The following SHANK2 variants were observed in gnomAD, a reference collection of about 807,000 sequenced individuals.
The protein encoded by SHANK2 is SH3 and multiple ankyrin repeat domains protein 2.
SHANK2 carries 43 observed loss-of-function variants against 133.7 expected under a neutral mutation model. The ratio of observed to expected loss-of-function variants is 0.32; its 90% CI spans 0.25 to 0.41. SHANK2 has a LOEUF of 0.41. SHANK2 is among the 10% of genes least tolerant of loss of function. The pLI is 1.00. For missense variants in SHANK2, 1,994 were observed against 2,235.8 expected (o/e 0.89, Z 2.18); for synonymous variants, 1,017 against 952.8 (o/e 1.07, Z -1.24).
chr11:71,085,592 TAATA>T lies in SHANK2; in HGVS notation c.912+6826_912+6829del, dbSNP rs1405740119. On this transcript the variant is annotated intron_variant, in intron 8 of 25. Coordinates refer to ENST00000601538, the MANE Select transcript of SHANK2 (RefSeq NM_012309.5). ...AATATATATTATATAATATATTATA[TAATA>T]TATATATTAAATATATATTATATTA... 3.3e-3 allele frequency among the ~76,000 whole-genome samples: 92 copies of T among 27,478 alleles called. 1 individual carries two copies. The highest frequency in any genetic ancestry group is 0.059 in the Middle Eastern group (2 of 34). 18.0% of individuals were successfully genotyped at this position (27,478 alleles called of 152,430 possible).
At chr11:70,621,562 T>TGGAA (rs1565187536) in intron 17 of SHANK2, among the ~76,000 whole-genome samples, 2 of 151,994 alleles carry the variant, frequency 1.3e-5, no homozygotes, top group Non-Finnish European at 2.9e-5. Context: ...GTGGACTGGG[T>TGGAA]GGAAGGAAGG....
chr11:71,165,442 C>G (rs537158338), intron 2 of SHANK2, among the ~76,000 whole-genome samples: 2 of 152,312 alleles, frequency 1.3e-5, no homozygotes, highest in Admixed American at 1.3e-4. Context: ...GGAGCTGCCC[C>G]CAGGTGTGTG....
chr11:71,172,588 A>G (rs1277189533), intron 2 of SHANK2, among the ~76,000 whole-genome samples: 1 of 123,760 alleles, frequency 8.1e-6, no homozygotes, highest in Admixed American at 1.0e-4. Flanking sequence ...ACAGAGTGAG[A>G]CTCTGTCTCA....
rs188955430 is a variant in SHANK2 at position 71,203,690 on chromosome 11, C to A, written c.-13+21007G>T. 2.0e-5 allele frequency among the ~76,000 whole-genome samples: 3 copies of A among 152,328 alleles called. No homozygotes were observed. The East Asian group carries it at 5.8e-4, about 29-fold the overall frequency. On this transcript the variant is annotated intron_variant, in intron 2 of 25. Coordinates refer to ENST00000601538, the MANE Select transcript of SHANK2 (RefSeq NM_012309.5). ...GGGAATATCCTGTGTGGTAAGAGTG[C>A]CTGAGTTCACCTGGGGCCTTGAGTG...
At chr11:70,517,283 C>T (rs1554970309) in intron 17 of SHANK2, among the ~76,000 whole-genome samples, 1 of 152,216 alleles carries the variant, frequency 6.6e-6, no homozygotes, top group African/African-American at 2.4e-5. Flanking sequence ...CAAAATAACA[C>T]AGGCACTTTG....
chr11:70,910,271 A>G (rs775102358), intron 10 of SHANK2, among the ~76,000 whole-genome samples: 3 of 152,234 alleles, frequency 2.0e-5, no homozygotes, highest in Non-Finnish European at 4.4e-5. Flanking sequence ...AAGAGTACGC[A>G]GAATCTCTTT....
chr11:70,524,136 G>A (rs1178765935), intron 17 of SHANK2, among the ~76,000 whole-genome samples: 4 of 152,188 alleles, frequency 2.6e-5, no homozygotes, highest in Admixed American at 1.3e-4. Context: ...AGGTGGCGAC[G>A]GGATCCCATT....
At chr11:70,823,953 GAGGTGGTATTGAC>G (rs1461000817) in intron 11 of SHANK2, among the ~76,000 whole-genome samples, 15 of 151,054 alleles carry the variant, frequency 9.9e-5, no homozygotes, top group Non-Finnish European at 1.9e-4. Flanking sequence ...CACAGGTACA[GAGGTGGTATTGAC>G]AGCTCCCAAG....
chr11:70,534,929 G>A (rs936175836), intron 17 of SHANK2, among the ~76,000 whole-genome samples: 2 of 152,048 alleles, frequency 1.3e-5, no homozygotes, highest in Non-Finnish European at 2.9e-5. Context: ...AGTCAAGTTC[G>A]TTAGCTATGC....
At chr11:71,067,486 T>C (rs1271039672) in intron 9 of SHANK2, among the ~76,000 whole-genome samples, 4 of 152,104 alleles carry the variant, frequency 2.6e-5, no homozygotes, top group Non-Finnish European at 5.9e-5. Context: ...TAGACACAAT[T>C]TGATACTTAC....
chr11:70,487,818 TTCAGATGATG>T lies in SHANK2; in HGVS notation c.2573-108_2573-99del. The stretch of plus-strand genomic sequence containing the variant: ...CGCTACATCTCCACAAACTCACAAA[TTCAGATGATG>T]AACCGGATGTTCAGGAAACACAGCA... On this transcript the variant is annotated intron_variant, in intron 24 of 25. Transcript: ENST00000601538. The surrounding 1 kb of genome is among the most constrained non-coding windows in gnomAD (Gnocchi z 5.8). The T allele has an allele frequency of 6.5e-7, 1 of 1,546,452 alleles. No individual in the cohort carries two copies. Among genetic ancestry groups the T allele is most frequent in the Non-Finnish European group, 8.7e-7 (1 of 1,145,538 alleles).
At chr11:70,803,668 G>A (rs1555051177) in intron 13 of SHANK2, among the ~76,000 whole-genome samples, 3 of 152,060 alleles carry the variant, frequency 2.0e-5, no homozygotes, top group African/African-American at 7.2e-5. Flanking sequence ...GGGAAGAGAG[G>A]CTGAGAAACT....
At chr11:70,641,806 A>G (rs184322331) in intron 17 of SHANK2, among the ~76,000 whole-genome samples, 24 of 152,332 alleles carry the variant, frequency 1.6e-4, no homozygotes, top group Admixed American at 2.0e-4. Context: ...GCACGGACAC[A>G]CAATGTCTAA....
Position 71,110,025 on chromosome 11 carries a change from G to C in SHANK2, c.508C>G (p.His170Asp). 1 of 1,551,166 alleles carries C rather than the reference G, an allele frequency of 6.4e-7. No individual in the cohort carries two copies. The highest frequency in any genetic ancestry group is 8.7e-7 in the Non-Finnish European group (1 of 1,146,456). ...TKTNLKKCMDHIQHRLVEKIT... is the reference protein window; with the variant it reads ...TKTNLKKCMDDIQHRLVEKIT... ...TTCTCCACCAAGCGATGCTGAATGTGATCCATGCATTTCTTCAGATTGGTC... is the reference window on the plus strand; with the variant it reads ...TTCTCCACCAAGCGATGCTGAATGTCATCCATGCATTTCTTCAGATTGGTC... The change falls in exon 6 of 26, where the codon CAC becomes GAC. Residue 170 changes from histidine (H) to aspartate (D), a missense_variant. Physicochemically the swap from His to Asp is moderately conservative, Grantham distance 81. This residue lies in a region of SHANK2 where 653 missense variants were observed against 563.4 expected (regional missense o/e 1.16). Coordinates refer to ENST00000601538, the MANE Select transcript of SHANK2 (RefSeq NM_012309.5).
At chr11:70,701,121 GA>G (rs1945508727) in intron 14 of SHANK2, among the ~76,000 whole-genome samples, 1 of 152,304 alleles carries the variant, frequency 6.6e-6, no homozygotes, top group East Asian at 1.9e-4. Context: ...GCCGGGGCCA[GA>G]AGCAGAGAGG....
chr11:71,132,086 G>A (rs1952320357), intron 3 of SHANK2, among the ~76,000 whole-genome samples: 1 of 152,224 alleles, frequency 6.6e-6, no homozygotes, highest in Non-Finnish European at 1.5e-5. Flanking sequence ...CGAGGCCACA[G>A]AGGCAGGTGA....
At chr11:70,768,232 A>T (rs1947168395) in intron 14 of SHANK2, among the ~76,000 whole-genome samples, 1 of 152,218 alleles carries the variant, frequency 6.6e-6, no homozygotes, top group African/African-American at 2.4e-5. Context: ...GCCATGTCTG[A>T]TGGACAGGGT....
At chr11:70,531,737 G>A (rs2059475533) in intron 17 of SHANK2, among the ~76,000 whole-genome samples, 1 of 152,166 alleles carries the variant, frequency 6.6e-6, no homozygotes, top group South Asian at 2.1e-4. Context: ...AGCGCCTTGG[G>A]AAGTCCTGGG....
At chr11:70,552,137 G>A (rs1404379526) in intron 17 of SHANK2, among the ~76,000 whole-genome samples, 1 of 152,264 alleles carries the variant, frequency 6.6e-6, no homozygotes, top group African/African-American at 2.4e-5. Flanking sequence ...TGGAGGAGGA[G>A]GCTTTGACCT....
Sources: allele counts gnomAD v4.1 joint callset (sites outside exome capture counted in the v4.1 genomes callset), GRCh38; gene constraint gnomAD v4.1.1; regional missense constraint gnomAD v4.1.1; non-coding constraint Gnocchi (gnomAD v3.1); transcripts MANE v1.5; gene names NCBI Gene and HGNC (gene_info 2026-07-23, HGNC 2026-07-21).